Variants in PTPRD observed in about 807,000 individuals in gnomAD.
The protein encoded by PTPRD is protein tyrosine phosphatase receptor type D, also known as receptor-type tyrosine-protein phosphatase delta.
A neutral mutation model predicts 214.5 loss-of-function variants in PTPRD; 34 were observed. The ratio of observed to expected loss-of-function variants is 0.16; its 90% CI spans 0.12 to 0.21. The LOEUF (loss-of-function observed/expected upper bound fraction) is 0.21. PTPRD is among the 10% of genes least tolerant of loss of function. The probability of loss-of-function intolerance (pLI) is 1.00; values close to 1 mark genes in which losing one functional copy is unlikely to be tolerated. For synonymous variants in PTPRD, 1,128 were observed against 845.7 expected (o/e 1.33, Z -5.79); for missense variants, 2,545 against 2,398.7 (o/e 1.06, Z -1.27).
chr9:8,741,497 T>C (rs1417111298), intron 11 of PTPRD, among the ~76,000 whole-genome samples: 4 of 150,712 alleles, frequency 2.7e-5, no homozygotes, highest in Non-Finnish European at 5.9e-5. Flanking sequence ...AAAGTGTAGA[T>C]AGATATGCAA....
intron 3 of PTPRD, among the ~76,000 whole-genome samples, chr9:10,043,001 T>C (rs1260676488): frequency 6.6e-6 from 1 of 151,892 alleles, no homozygotes; most frequent in Non-Finnish European, 1.5e-5. Context: ...AATACTTGAG[T>C]TCTAATCTGA....
intron 34 of PTPRD, among the ~76,000 whole-genome samples, chr9:8,441,391 T>C (rs1003886804): frequency 6.6e-6 from 1 of 152,074 alleles, no homozygotes; most frequent in East Asian, 1.9e-4. Context: ...GCCAATCGGT[T>C]CAGACTGTTC....
Position 9,679,302 on chromosome 9 carries a change from T to C in PTPRD, c.-287+55231A>G, listed in dbSNP as rs190099519. 2.0e-5 allele frequency among the ~76,000 whole-genome samples: 3 copies of C among 151,904 alleles called. No homozygotes were observed. In the East Asian group the frequency reaches 5.8e-4, roughly 29 times the overall value. On this transcript the variant is annotated intron_variant, in intron 7 of 45. Transcript: ENST00000381196. ...TTGCTACACACAAAAGATGGCACCA[T>C]TGATCTAGAAATGTCTTAAACTACA...
chr9:8,961,555 T>C (rs753205271), intron 11 of PTPRD, among the ~76,000 whole-genome samples: 5 of 152,122 alleles, frequency 3.3e-5, no homozygotes, highest in African/African-American at 9.7e-5. Context: ...ACCAGGCACA[T>C]GTTTTACATT....
intron 10 of PTPRD, among the ~76,000 whole-genome samples, chr9:9,137,702 CTGTACTCTCACAGGACAT>C (rs2099853133): frequency 6.6e-6 from 1 of 152,094 alleles, no homozygotes. Context: ...TTAATCATTA[CTGTACTCTCACAGGACAT>C]TGTACTTTGC....
intron 39 of PTPRD, among the ~76,000 whole-genome samples, chr9:8,353,595 G>A (rs1196750160): frequency 6.6e-6 from 1 of 151,726 alleles, no homozygotes; most frequent in East Asian, 1.9e-4. Context: ...ACTACACCCG[G>A]CTCATTTTCC....
At chr9:10,509,043 C>A (rs887674409) in intron 2 of PTPRD, among the ~76,000 whole-genome samples, 1 of 151,916 alleles carries the variant, frequency 6.6e-6, no homozygotes, top group Admixed American at 6.6e-5. Context: ...AAGGAAATAC[C>A]TGCTATGATT....
In PTPRD at chr9:8,995,447, T is replaced by G. The variant is rs190283782; in HGVS notation, c.-104+23250A>C. Reference sequence around the variant, plus strand: ...AAACTCGCTGCTGGGATGCTGACTTTCATTATTCTCTCTTCTTATGGAGGT... The same window carrying G: ...AAACTCGCTGCTGGGATGCTGACTTGCATTATTCTCTCTTCTTATGGAGGT... On this transcript the variant is annotated intron_variant, in intron 11 of 45. Transcript: ENST00000381196. 1.4e-4 allele frequency among the ~76,000 whole-genome samples: 21 copies of G among 152,190 alleles called. No homozygotes were observed. The East Asian group carries it at 4.1e-3, about 29-fold the overall frequency.
At chr9:9,678,546 A>C (rs982349193) in intron 7 of PTPRD, among the ~76,000 whole-genome samples, 1 of 151,974 alleles carries the variant, frequency 6.6e-6, no homozygotes, top group Non-Finnish European at 1.5e-5. Flanking sequence ...TTTTTATTAG[A>C]TACCTCAAAG....
At chr9:8,692,307 C>G (rs2097824526) in intron 12 of PTPRD, among the ~76,000 whole-genome samples, 1 of 152,162 alleles carries the variant, frequency 6.6e-6, no homozygotes, top group South Asian at 2.1e-4. Flanking sequence ...TGTACGGAGG[C>G]TTTGCTCCAT....
intron 5 of PTPRD, among the ~76,000 whole-genome samples, chr9:9,886,820 T>C (rs2071111205): frequency 6.6e-6 from 1 of 152,108 alleles, no homozygotes. Flanking sequence ...TGCCATGCTT[T>C]GATGAAGTTC....
chr9:9,545,907 G>A (rs1175787374), intron 8 of PTPRD, among the ~76,000 whole-genome samples: 2 of 151,696 alleles, frequency 1.3e-5, no homozygotes, highest in East Asian at 1.9e-4. Context: ...TGAATATATT[G>A]AGTCTTCCTA....
At chr9:8,503,178 T>C (rs1035438733) in intron 23 of PTPRD, among the ~76,000 whole-genome samples, 2 of 152,054 alleles carry the variant, frequency 1.3e-5, no homozygotes, top group African/African-American at 4.8e-5. Flanking sequence ...CAAAAAACCC[T>C]GAAAGTTTTC....
intron 34 of PTPRD, among the ~76,000 whole-genome samples, chr9:8,446,639 TAATA>T (rs2095739900): frequency 2.0e-5 from 3 of 152,308 alleles, no homozygotes; most frequent in Admixed American, 1.3e-4. Flanking sequence ...TGTATATTAT[TAATA>T]AATATTCTCA....
intron 12 of PTPRD, among the ~76,000 whole-genome samples, chr9:8,657,407 T>A (rs867795667): frequency 9.9e-5 from 15 of 152,142 alleles, no homozygotes; most frequent in African/African-American, 3.4e-4. Flanking sequence ...GACCTCAGGC[T>A]ATTCACCCAC....
intron 2 of PTPRD, among the ~76,000 whole-genome samples, chr9:10,487,490 T>C (rs2099140136): frequency 6.6e-6 from 1 of 152,218 alleles, no homozygotes; most frequent in South Asian, 2.1e-4. Context: ...GAGTTTACCA[T>C]GAGGCTTGCA....
chr9:9,048,478 A>T (rs1051355030), intron 10 of PTPRD, among the ~76,000 whole-genome samples: 2 of 152,210 alleles, frequency 1.3e-5, no homozygotes, highest in Admixed American at 1.3e-4. Flanking sequence ...AGCCATAAAA[A>T]CAAATGAGAT....
intron 11 of PTPRD, among the ~76,000 whole-genome samples, chr9:8,992,603 A>T (rs1010070871): frequency 1.1e-4 from 17 of 152,294 alleles, no homozygotes; most frequent in African/African-American, 4.1e-4. Flanking sequence ...AGGGTTCAAG[A>T]TACATCGATT....
intron 11 of PTPRD, among the ~76,000 whole-genome samples, chr9:8,829,757 A>T (rs1302773001): frequency 6.6e-6 from 1 of 152,190 alleles, no homozygotes; most frequent in Non-Finnish European, 1.5e-5. Context: ...GAATCAGCTG[A>T]CTGGGGACAA....
Sources: allele counts gnomAD v4.1 joint callset (sites outside exome capture counted in the v4.1 genomes callset), GRCh38; gene constraint gnomAD v4.1.1; transcripts MANE v1.5; gene names NCBI Gene and HGNC (gene_info 2026-07-23, HGNC 2026-07-21).